HOATZ: variants seen among roughly 807,000 people sequenced by gnomAD.
HOATZ encodes cilia- and flagella-associated protein HOATZ.
In HOATZ, 26 loss-of-function variants were observed where a neutral mutation model predicts 24.9. The ratio of observed to expected loss-of-function variants is 1.04; its 90% confidence interval spans 0.76 to 1.45. The LOEUF (loss-of-function observed/expected upper bound fraction) is 1.45, where lower values mean the gene tolerates loss of function less well. Among genes scored for constraint, HOATZ ranks in the 40% most tolerant of loss-of-function variants. The pLI is 0.00. For missense variants in HOATZ, 226 were observed against 201.5 expected, an observed-to-expected ratio of 1.12 and a Z score of -0.74; for synonymous variants, 83 against 76.6, an observed-to-expected ratio of 1.08 and a Z score of -0.43.
chr11:111,528,150 C>T (rs1204172230), intron 3 of HOATZ, among the ~76,000 whole-genome samples: 3 of 100,972 alleles, frequency 3.0e-5, no homozygotes, highest in East Asian at 6.1e-4. Context: ...AGGGAGACCT[C>T]ATCTCTACCA....
chr11:111,536,943 A>C lies in HOATZ; in HGVS notation c.*116A>C. On this transcript the variant is annotated 3_prime_UTR_variant, in exon 6 of 6. Coordinates refer to ENST00000375618, the MANE Select transcript of HOATZ (RefSeq NM_001100388.2). ...ACATTATAGTAGACAAAGAAATACA[A>C]GTTAAATACGCAGACTTCCAGGAAT... The C allele has an allele frequency of 1.3e-6, 1 of 777,420 alleles. No individual in the cohort carries two copies. Among genetic ancestry groups the C allele is most frequent in the Non-Finnish European group, 2.2e-6 (1 of 459,996 alleles). 48.2% of individuals were successfully genotyped at this position (777,420 alleles called of 1,614,324 possible). A position where few individuals can be genotyped will look rare whatever the true frequency, so the allele number is the denominator to read the frequency against.
chr11:111,532,250 C>T (rs1360815472), intron 3 of HOATZ, among the ~76,000 whole-genome samples: 1 of 152,152 alleles, frequency 6.6e-6, no homozygotes, highest in Non-Finnish European at 1.5e-5. Flanking sequence ...TATGTTCAGC[C>T]ACTAACACAT....
chr11:111,516,518 G>C (rs952963290), intron 3 of HOATZ, among the ~76,000 whole-genome samples: 4 of 151,862 alleles, frequency 2.6e-5, no homozygotes, highest in African/African-American at 9.7e-5. Flanking sequence ...AGACCAGCCT[G>C]GGCTACATAG....
intron 3 of HOATZ, among the ~76,000 whole-genome samples, chr11:111,524,370 A>G (rs1325704983): frequency 6.6e-6 from 1 of 152,224 alleles, no homozygotes; most frequent in East Asian, 1.9e-4. Flanking sequence ...GAAAAATTTG[A>G]TAGACGTTCA....
At chr11:111,523,132 G>A (rs1219301945) in intron 3 of HOATZ, among the ~76,000 whole-genome samples, 1 of 150,730 alleles carries the variant, frequency 6.6e-6, no homozygotes, top group East Asian at 2.0e-4. Flanking sequence ...TGAACAAGAT[G>A]ATGTTTTGCC....
chr11:111,536,494 G>GA, intron 5 of HOATZ: 1 of 274,310 alleles, frequency 3.6e-6, no homozygotes. Context: ...GTAAACCAAA[G>GA]AAATCAATTA....
At chr11:111,521,638 T>C (rs951810120) in intron 3 of HOATZ, among the ~76,000 whole-genome samples, 2 of 152,236 alleles carry the variant, frequency 1.3e-5, no homozygotes, top group Non-Finnish European at 2.9e-5. Flanking sequence ...TGTTTAGTCA[T>C]TTAAATTCTT....
intron 5 of HOATZ, chr11:111,535,646 ACTT>A (rs1867442621): frequency 6.6e-6 from 1 of 151,088 alleles, no homozygotes. Context: ...CCTACTATTA[ACTT>A]CTTCTAGCTA....
At chr11:111,516,470 A>G (rs1478796985) in intron 3 of HOATZ, among the ~76,000 whole-genome samples, 1 of 152,076 alleles carries the variant, frequency 6.6e-6, no homozygotes, top group African/African-American at 2.4e-5. Context: ...ATGCTTTGGG[A>G]GACCTAGGCA....
chr11:111,515,905 C>A, intron 2 of HOATZ, 135 bp from the exon 3 acceptor site: 2 of 609,398 alleles, frequency 3.3e-6, no homozygotes, highest in Admixed American at 3.3e-5. Context: ...TGTAAAGTTC[C>A]AATACACCAC....
At chr11:111,525,256 G>C (rs950071563) in intron 3 of HOATZ, among the ~76,000 whole-genome samples, 1 of 151,854 alleles carries the variant, frequency 6.6e-6, no homozygotes, top group Admixed American at 6.6e-5. Flanking sequence ...TTTAGGATAG[G>C]GTATCTAAAC....
At position 111,529,508 on chromosome 11, in the gene HOATZ, C is replaced by T. The variant is rs542297337; in HGVS notation, c.340-4238C>T. On this transcript the variant is annotated intron_variant, in intron 3 of 5. Coordinates refer to ENST00000375618, the MANE Select transcript of HOATZ (RefSeq NM_001100388.2). ...CCTCCCGAGTTGCTGGGACTGCAGG[C>T]GTGCACCACCACACCCAGCTAATTT... 9.2e-5 allele frequency among the ~76,000 whole-genome samples: 14 copies of T among 152,112 alleles called. No homozygotes were observed. In the South Asian group the frequency reaches 2.9e-3, roughly 32 times the overall value.
intron 3 of HOATZ, among the ~76,000 whole-genome samples, chr11:111,523,487 G>C (rs954175257): frequency 9.9e-5 from 15 of 152,130 alleles, no homozygotes; most frequent in African/African-American, 2.9e-4. Context: ...GAACCTAGGA[G>C]CAATGGTTTA....
At chr11:111,515,437 T>C (rs1438245873) in intron 1 of HOATZ, 74 bp from the exon 2 acceptor site, 6 of 1,173,992 alleles carry the variant, frequency 5.1e-6, no homozygotes, top group Non-Finnish European at 7.7e-6. Context: ...ATTGTTATAG[T>C]ATAAAAAATT....
chr11:111,515,067 A>C, intron 1 of HOATZ, 57 bp downstream of exon 1: 1 of 1,263,408 alleles, frequency 7.9e-7, no homozygotes, highest in Non-Finnish European at 1.1e-6. Context: ...ACTGGCCTGC[A>C]GGTACCAGAG....
At chr11:111,518,416 A>C (rs1335709086) in intron 3 of HOATZ, among the ~76,000 whole-genome samples, 1 of 152,248 alleles carries the variant, frequency 6.6e-6, no homozygotes, top group African/African-American at 2.4e-5. Context: ...TTTAGTGTTC[A>C]TAACAACCAA....
chr11:111,524,185 A>T (rs1867305699), intron 3 of HOATZ, among the ~76,000 whole-genome samples: 1 of 152,250 alleles, frequency 6.6e-6, no homozygotes, highest in Non-Finnish European at 1.5e-5. Flanking sequence ...TTGCAAGAAT[A>T]GCATTAAGAC....
chr11:111,536,239 T>C (rs1313684661), intron 5 of HOATZ: 2 of 152,358 alleles, frequency 1.3e-5, no homozygotes, highest in African/African-American at 2.4e-5. Flanking sequence ...TTGCATACTA[T>C]ACATTAATTT....
chr11:111,522,371 G>T (rs973514257), intron 3 of HOATZ, among the ~76,000 whole-genome samples: 6 of 152,098 alleles, frequency 3.9e-5, no homozygotes, highest in Non-Finnish European at 7.4e-5. Context: ...AAATCAAATC[G>T]GGTTTATTGA....
Sources: allele counts gnomAD v4.1 joint callset (sites outside exome capture counted in the v4.1 genomes callset), GRCh38; gene constraint gnomAD v4.1.1; transcripts MANE v1.5; gene names NCBI Gene and HGNC (gene_info 2026-07-23, HGNC 2026-07-21).